Variants in FTCDNL1 observed in about 807,000 individuals in gnomAD.
FTCDNL1 encodes the protein formiminotransferase cyclodeaminase N-terminal like, also known as formiminotransferase N-terminal subdomain-containing protein.
FTCDNL1 carries 11 observed loss-of-function variants against 5.9 expected under a neutral mutation model. The ratio of observed to expected loss-of-function variants is 1.87; its 90% CI spans 1.18 to 3.10. The LOEUF (loss-of-function observed/expected upper bound fraction) is 3.10. Ranked by LOEUF, FTCDNL1 falls within the 30% of genes most tolerant of loss-of-function variation. FTCDNL1 has a pLI of 0.00. For synonymous variants in FTCDNL1, 58 were observed against 24.8 expected (o/e 2.34, Z -3.99); for missense variants, 115 against 65.5 (o/e 1.76, Z -2.61).
At chr2:199,844,432 C>G in intron 3 of FTCDNL1, 2 of 659,922 alleles carry the variant, frequency 3.0e-6, no homozygotes, top group Non-Finnish European at 5.6e-6. Context: ...GAGGGTAAAT[C>G]GGAATCAAGT....
At chr2:199,819,494 C>G (rs561500097) in intron 4 of FTCDNL1, 78 bp downstream of exon 4, 1 of 673,202 alleles carries the variant, frequency 1.5e-6, no homozygotes, top group African/African-American at 1.8e-5. Flanking sequence ...CCTGCATTAA[C>G]AGGGTGTGGC....
chr2:199,795,786 T>C (rs1423847340), intron 3 of FTCDNL1, among the ~76,000 whole-genome samples: 1 of 152,170 alleles, frequency 6.6e-6, no homozygotes, highest in Non-Finnish European at 1.5e-5. Context: ...AAAATGACAA[T>C]GGAGATTTTG....
At chr2:199,665,089 T>C in the FTCDNL1 span, among the ~76,000 whole-genome samples, 2 of 152,234 alleles carry the variant, frequency 1.3e-5, no homozygotes, top group Non-Finnish European at 2.9e-5. Flanking sequence ...GAATATTTCT[T>C]CTTCCCTTCC....
chr2:199,747,310 G>A, the FTCDNL1 span, among the ~76,000 whole-genome samples: 2 of 152,116 alleles, frequency 1.3e-5, no homozygotes, highest in South Asian at 2.1e-4. Context: ...AGGTCAGATC[G>A]CATTATAAAT....
the FTCDNL1 span, among the ~76,000 whole-genome samples, chr2:199,744,445 C>G: frequency 5.9e-5 from 9 of 151,340 alleles, no homozygotes; most frequent in Middle Eastern, 3.4e-3. Flanking sequence ...CACACACACA[C>G]AGAGAGAGAG....
chr2:199,721,682 C>A, the FTCDNL1 span, among the ~76,000 whole-genome samples: 4 of 152,186 alleles, frequency 2.6e-5, no homozygotes, highest in East Asian at 7.7e-4. Context: ...CCAGTTCTAG[C>A]TCTTTAAAGA....
chr2:199,826,089 C>G (rs944532090), intron 3 of FTCDNL1, among the ~76,000 whole-genome samples: 5 of 152,150 alleles, frequency 3.3e-5, no homozygotes, highest in Admixed American at 6.6e-5. Flanking sequence ...CCTGGCCCTG[C>G]CCAGCTCTTT....
chr2:199,781,552 T>C (rs758241702), intron 3 of FTCDNL1, among the ~76,000 whole-genome samples: 1 of 152,142 alleles, frequency 6.6e-6, no homozygotes, highest in Non-Finnish European at 1.5e-5. Context: ...AGATATTCTG[T>C]AGAATATCTA....
Position 199,789,024 on chromosome 2 carries a change from A to G in FTCDNL1, c.212-28189T>C, listed in dbSNP as rs191161077. On this transcript the variant is annotated intron_variant, in intron 3 of 3. Coordinates refer to the FTCDNL1 transcript ENST00000416668. ...ACCATAGAAGAAAGCTATCATTACG[A>G]AAAAAAAAAAAGAAGTCACTAGGGC... 5.3e-3 allele frequency among the ~76,000 whole-genome samples: 667 copies of G among 126,434 alleles called. 3 individuals are homozygous for G. Among genetic ancestry groups the G allele is most frequent in the African/African-American group, 0.02 (597 of 29,626 alleles). 82.9% of individuals were successfully genotyped at this position (126,434 alleles called of 152,430 possible).
chr2:199,848,474 T>A (rs910388231), intron 2 of FTCDNL1, among the ~76,000 whole-genome samples: 14 of 152,230 alleles, frequency 9.2e-5, no homozygotes, highest in African/African-American at 3.4e-4. Flanking sequence ...AAGCATAAGG[T>A]ACGATTATGC....
At chr2:199,701,808 G>A in the FTCDNL1 span, among the ~76,000 whole-genome samples, 1 of 152,138 alleles carries the variant, frequency 6.6e-6, no homozygotes, top group African/African-American at 2.4e-5. Context: ...GCCAAGGTAG[G>A]CAGATCACTC....
At chr2:199,817,211 A>C (rs899379700) in intron 4 of FTCDNL1, among the ~76,000 whole-genome samples, 1 of 152,228 alleles carries the variant, frequency 6.6e-6, no homozygotes, top group Non-Finnish European at 1.5e-5. Context: ...CTTAGGATTT[A>C]TCTCTAGATC....
intron 2 of FTCDNL1, 33 bp from the exon 3 acceptor site, chr2:199,846,203 T>G: frequency 1.5e-6 from 1 of 663,414 alleles, no homozygotes. Flanking sequence ...GTGCAAGAAT[T>G]TTTTTTCTGT....
At chr2:199,675,822 C>T in the FTCDNL1 span, among the ~76,000 whole-genome samples, 1 of 152,204 alleles carries the variant, frequency 6.6e-6, no homozygotes, top group Middle Eastern at 3.2e-3. Context: ...GTGATCATAG[C>T]TCACTGCAGC....
chr2:199,776,291 G>GAA (rs1699067245), intron 3 of FTCDNL1, among the ~76,000 whole-genome samples: 1 of 152,138 alleles, frequency 6.6e-6, no homozygotes, highest in African/African-American at 2.4e-5. Context: ...TGAGAACAAG[G>GAA]AAACAGATGT....
At chr2:199,679,638 T>C in the FTCDNL1 span, among the ~76,000 whole-genome samples, 1 of 152,110 alleles carries the variant, frequency 6.6e-6, no homozygotes, top group Non-Finnish European at 1.5e-5. Context: ...TTTTTTTTAT[T>C]TTATTTTTTG....
At chr2:199,677,157 T>A in the FTCDNL1 span, among the ~76,000 whole-genome samples, 1 of 152,138 alleles carries the variant, frequency 6.6e-6, no homozygotes, top group East Asian at 1.9e-4. Flanking sequence ...ATAACATGTA[T>A]GTAGACTTGG....
chr2:199,718,052 C>T, the FTCDNL1 span, among the ~76,000 whole-genome samples: 1 of 150,166 alleles, frequency 6.7e-6, no homozygotes, highest in Non-Finnish European at 1.5e-5. Context: ...AAAATGTTTC[C>T]AATGAGTTTT....
chr2:199,697,098 C>T, the FTCDNL1 span, among the ~76,000 whole-genome samples: 1 of 152,022 alleles, frequency 6.6e-6, no homozygotes, highest in East Asian at 1.9e-4. Flanking sequence ...CGGTGAAACC[C>T]CATCTCTACT....
Sources: allele counts gnomAD v4.1 joint callset (sites outside exome capture counted in the v4.1 genomes callset), GRCh38; gene constraint gnomAD v4.1.1; transcripts MANE v1.5; gene names NCBI Gene and HGNC (gene_info 2026-07-23, HGNC 2026-07-21).